The following SLIT3 variants were observed in gnomAD, a reference collection of about 807,000 sequenced individuals.
SLIT3 encodes the protein slit guidance ligand 3.
SLIT3 carries 68 observed loss-of-function variants against 184.0 expected under a neutral mutation model. The observed-to-expected ratio is 0.37, with a 90% confidence interval of 0.30 to 0.45. The LOEUF (loss-of-function observed/expected upper bound fraction) is 0.45. Among genes scored for constraint, SLIT3 ranks in the 20% least tolerant of loss-of-function variants. The pLI is 1.00. For synonymous variants in SLIT3, 831 were observed against 828.6 expected (o/e 1.00, Z -0.05); for missense variants, 1,707 against 2,026.0 (o/e 0.84, Z 3.02).
At chr5:168,908,104 T>G (rs966216704) in intron 4 of SLIT3, among the ~76,000 whole-genome samples, 3 of 151,840 alleles carry the variant, frequency 2.0e-5, no homozygotes, top group Non-Finnish European at 4.4e-5. Flanking sequence ...TATACCCTTT[T>G]ATATCTTTTG....
chr5:168,664,766 G>A lies in SLIT3; in HGVS notation c.*1688C>T, dbSNP rs958849489. The A allele has an allele frequency of 3.9e-5, 6 of 152,262 alleles. No homozygotes were observed. Among genetic ancestry groups the A allele is most frequent in the African/African-American group, 1.4e-4 (6 of 41,424 alleles). 9.4% of individuals were successfully genotyped at this position (152,262 alleles called of 1,614,324 possible). The stretch of plus-strand genomic sequence containing the variant: ...GAGTTGGTGTGAACAGCTGAGCCCT[G>A]GAAGATATGTGGCTAACCTGATGGG... On this transcript the variant is annotated 3_prime_UTR_variant, in exon 36 of 36. Coordinates refer to ENST00000519560, the MANE Select transcript of SLIT3 (RefSeq NM_003062.4).
intron 4 of SLIT3, chr5:169,018,803 AG>A (rs1283914580): frequency 6.6e-6 from 1 of 152,208 alleles, no homozygotes; most frequent in Non-Finnish European, 1.5e-5. Flanking sequence ...AGGGAAATGC[AG>A]GGGGTCTGAT....
chr5:168,879,524 A>G (rs1490649143), intron 5 of SLIT3, among the ~76,000 whole-genome samples: 2 of 152,196 alleles, frequency 1.3e-5, no homozygotes, highest in Non-Finnish European at 2.9e-5. Context: ...CTTCTCCTCC[A>G]TGAAGCATCA....
chr5:169,083,247 T>C (rs1581390158), intron 4 of SLIT3, among the ~76,000 whole-genome samples: 1 of 152,356 alleles, frequency 6.6e-6, no homozygotes, highest in Admixed American at 6.5e-5. Context: ...TCTGGATACA[T>C]GTGCGAATAT....
chr5:169,127,129 A>G (rs1761111031), intron 4 of SLIT3, among the ~76,000 whole-genome samples: 1 of 152,130 alleles, frequency 6.6e-6, no homozygotes, highest in South Asian at 2.1e-4. Context: ...TACCTCTCAC[A>G]CTCAGTCATC....
chr5:168,815,448 T>A (rs1319377860), intron 8 of SLIT3, among the ~76,000 whole-genome samples: 1 of 152,230 alleles, frequency 6.6e-6, no homozygotes, highest in Admixed American at 6.5e-5. Context: ...TCTCACTACC[T>A]CTTGGATGAC....
intron 4 of SLIT3, among the ~76,000 whole-genome samples, chr5:169,122,737 G>A (rs573765181): frequency 2.6e-5 from 4 of 152,094 alleles, no homozygotes; most frequent in Non-Finnish European, 5.9e-5. Context: ...GGGTTATTTG[G>A]GTCTCCCATT....
intron 5 of SLIT3, among the ~76,000 whole-genome samples, chr5:168,861,458 G>A (rs1346759242): frequency 2.0e-5 from 3 of 150,100 alleles, no homozygotes; most frequent in Non-Finnish European, 4.4e-5. Context: ...AGCAAGGCTG[G>A]CTGCAGTAGA....
intron 32 of SLIT3, among the ~76,000 whole-genome samples, chr5:168,675,129 T>C (rs1299661773): frequency 6.6e-6 from 1 of 151,650 alleles, no homozygotes; most frequent in Non-Finnish European, 1.5e-5. Context: ...ATGATGGGAG[T>C]TGGGGAATGT....
chr5:168,855,000 A>G (rs1758811532), intron 5 of SLIT3, among the ~76,000 whole-genome samples: 1 of 152,226 alleles, frequency 6.6e-6, no homozygotes, highest in Admixed American at 6.5e-5. Context: ...ATACTCTAGA[A>G]GAGGCCAGCT....
intron 14 of SLIT3, among the ~76,000 whole-genome samples, chr5:168,767,200 T>G (rs1258029243): frequency 6.6e-6 from 1 of 152,242 alleles, no homozygotes; most frequent in African/African-American, 2.4e-5. Context: ...CTCCTGGTTC[T>G]GAGGGGTAAC....
In SLIT3 at chr5:169,006,578, TTC is replaced by T. The variant is rs369079733; in HGVS notation, c.414-123244_414-123243del. Among the ~76,000 whole-genome samples the T allele has an allele frequency of 4.8e-3, 672 of 139,654 alleles. 2 individuals are homozygous for T. Among genetic ancestry groups the T allele is most frequent in the African/African-American group, 1.0e-2 (368 of 36,816 alleles). 91.6% of individuals were successfully genotyped at this position (139,654 alleles called of 152,430 possible). ...AAGATTTTCTCTCTCTTTCCCCCTC[TTC>T]TCTCTCTCTCTCTCTCTCTCTCTCT... On this transcript the variant is annotated intron_variant, in intron 4 of 35. Transcript: ENST00000519560.
chr5:168,817,290 G>T lies in SLIT3; in HGVS notation c.793+10C>A. On this transcript the variant is annotated intron_variant, in intron 8 of 35. Coordinates refer to ENST00000519560, the MANE Select transcript of SLIT3 (RefSeq NM_003062.4). ...AGCACAGGAGGGGAGAGCAGGTAAA[G>T]CATCCTCACCTGGGCACACGTACTC... 1 of 1,613,764 alleles carries T rather than the reference G, an allele frequency of 6.2e-7. No homozygotes were observed.
At chr5:168,766,247 C>T (rs1473160007) in intron 14 of SLIT3, among the ~76,000 whole-genome samples, 1 of 152,188 alleles carries the variant, frequency 6.6e-6, no homozygotes, top group Non-Finnish European at 1.5e-5. Flanking sequence ...GCTCTCCTCC[C>T]CTATTCCCAA....
At chr5:168,773,494 A>C (rs932635655) in intron 13 of SLIT3, among the ~76,000 whole-genome samples, 8 of 152,098 alleles carry the variant, frequency 5.3e-5, no homozygotes, top group Non-Finnish European at 1.0e-4. Flanking sequence ...GGTCGGCGTC[A>C]ATATATAGCA....
intron 4 of SLIT3, among the ~76,000 whole-genome samples, chr5:168,925,898 T>G (rs1761804809): frequency 1.3e-5 from 2 of 152,178 alleles, no homozygotes; most frequent in African/African-American, 4.8e-5. Flanking sequence ...GAGAAACTGA[T>G]GAGAGTCAAC....
At chr5:169,067,440 GAAT>G (rs1758396162) in intron 4 of SLIT3, among the ~76,000 whole-genome samples, 1 of 152,014 alleles carries the variant, frequency 6.6e-6, no homozygotes, top group Non-Finnish European at 1.5e-5. Flanking sequence ...AAAGAATGAA[GAAT>G]AATTACCCCA....
At chr5:168,990,534 C>T (rs554087636) in intron 4 of SLIT3, among the ~76,000 whole-genome samples, 34 of 152,280 alleles carry the variant, frequency 2.2e-4, no homozygotes, top group African/African-American at 7.7e-4. Flanking sequence ...ACAATTATCT[C>T]CCTGCCCCAG....
Position 168,792,181 on chromosome 5 carries a change from G to C in SLIT3, c.1008-2550C>G, listed in dbSNP as rs1365817372. The C allele has an allele frequency of 2.6e-5, 4 of 152,202 alleles. No individual in the cohort carries two copies. In the East Asian group the frequency reaches 5.8e-4, roughly 22 times the overall value. The allele number at this position is 152,202 out of a possible 1,614,324, so 9.4% of individuals were successfully genotyped here. On this transcript the variant is annotated intron_variant, in intron 10 of 35. Transcript: ENST00000519560. ...GAGGCACAATGCAGGGCATTGAGCT[G>C]GAAGGCAGATGGGAGATGGCTCCAG...
Sources: allele counts gnomAD v4.1 joint callset (sites outside exome capture counted in the v4.1 genomes callset), GRCh38; gene constraint gnomAD v4.1.1; transcripts MANE v1.5; gene names NCBI Gene and HGNC (gene_info 2026-07-23, HGNC 2026-07-21).